SCUBE3: variants seen among roughly 807,000 people sequenced by gnomAD.
The protein encoded by SCUBE3 is signal peptide, CUB domain and EGF like domain containing 3.
In SCUBE3, 33 loss-of-function variants were observed where a neutral mutation model predicts 116.8. The observed-to-expected ratio is 0.28, with a 90% confidence interval of 0.21 to 0.38. The LOEUF (loss-of-function observed/expected upper bound fraction) is 0.38, where lower values mean the gene tolerates loss of function less well. Among genes scored for constraint, SCUBE3 ranks in the 10% least tolerant of loss-of-function variants. SCUBE3 has a pLI of 1.00. For missense variants in SCUBE3, 1,007 were observed against 1,324.8 expected (o/e 0.76, Z 3.72); for synonymous variants, 418 against 496.9 (o/e 0.84, Z 2.11).
chr6:35,241,189 T>C lies in SCUBE3; in HGVS notation c.1118T>C (p.Ile373Thr). ...INRGGCRFGCINTPGSYQCTC... is the reference protein window; with the variant it reads ...INRGGCRFGCTNTPGSYQCTC... ...CGGGGAGGTTGCCGCTTTGGCTGCA[T>C]CAACACTCCTGGCAGCTACCAGTGT... Residue 373 changes from isoleucine (I) to threonine (T), a missense_variant, in exon 10 of 22, where the codon ATC becomes ACC. This residue lies in a region of SCUBE3 where 544 missense variants were observed against 638.9 expected (regional missense o/e 0.85). Transcript: ENST00000274938. This position sits in a 1 kb window ranked among gnomAD's most constrained non-coding sequence, Gnocchi z 4.1. 6.2e-7 allele frequency: 1 copy of C among 1,606,170 alleles called. No homozygotes were observed. The highest frequency in any genetic ancestry group is 8.5e-7 in the Non-Finnish European group (1 of 1,173,406).
intron 1 of SCUBE3, among the ~76,000 whole-genome samples, chr6:35,217,489 A>G (rs531121935): frequency 6.8e-6 from 1 of 147,010 alleles, no homozygotes; most frequent in Non-Finnish European, 1.5e-5. Context: ...TGGGACTGAG[A>G]GCGTTCATGT....
chr6:35,247,478 A>AATT lies in SCUBE3; in HGVS notation c.2833-1075_2833-1073dup, dbSNP rs551370727. 2.0e-3 allele frequency among the ~76,000 whole-genome samples: 310 copies of AATT among 151,990 alleles called. 1 individual carries two copies. The highest frequency in any genetic ancestry group is 7.3e-3 in the African/African-American group (302 of 41,494). On this transcript the variant is annotated intron_variant, in intron 21 of 21. Coordinates refer to ENST00000274938, the MANE Select transcript of SCUBE3 (RefSeq NM_152753.4). Reference sequence around the variant, plus strand: ...AAGGAAACTATAGTCGTAGTCATAGAATTATCCTTCATAAATTATCACTGC... The same window carrying AATT: ...AAGGAAACTATAGTCGTAGTCATAGAATTATTATCCTTCATAAATTATCACTGC...
At chr6:35,215,833 C>T (rs1220098513) in intron 1 of SCUBE3, among the ~76,000 whole-genome samples, 3 of 152,190 alleles carry the variant, frequency 2.0e-5, no homozygotes, top group Non-Finnish European at 4.4e-5. Context: ...ACCCTGCCCC[C>T]ACACCTTCCA....
At position 35,248,845 on chromosome 6, in the gene SCUBE3, A is replaced by T; in HGVS notation, c.*140A>T. 1.1e-5 allele frequency: 7 copies of T among 649,426 alleles called. No homozygotes were observed. The highest frequency in any genetic ancestry group is 5.4e-5 in the East Asian group (2 of 37,302). 40.2% of individuals were successfully genotyped at this position (649,426 alleles called of 1,614,324 possible). ...AAAAATATCACTACACAAACCAGGC[A>T]CTCTCCCTTTCTGTCTTTCTAGTTT... On this transcript the variant is annotated 3_prime_UTR_variant, in exon 22 of 22. Transcript: ENST00000274938.
Position 35,245,287 on chromosome 6 carries a change from C to T in SCUBE3, c.2461C>T (p.Pro821Ser). The change falls in exon 19 of 22, where the codon CCG becomes TCG. Residue 821 changes from proline to serine, a missense_variant. Pro to Ser is a moderately conservative substitution (Grantham distance 74, BLOSUM62 -1). This residue lies in a region of SCUBE3 where 544 missense variants were observed against 638.9 expected (regional missense o/e 0.85). Coordinates refer to ENST00000274938, the MANE Select transcript of SCUBE3 (RefSeq NM_152753.4). The surrounding 1 kb of genome is among the most constrained non-coding windows in gnomAD (Gnocchi z 4.2). Reference protein sequence around the residue: ...FTGYIESPNYPGNYPAGVECI... With the variant: ...FTGYIESPNYSGNYPAGVECI... ...TGGCTATATTGAGTCCCCCAACTACCCGGGCAACTACCCAGCTGGTGTGGA... is the reference window on the plus strand; with the variant it reads ...TGGCTATATTGAGTCCCCCAACTACTCGGGCAACTACCCAGCTGGTGTGGA... 1 of 1,614,138 alleles carries T rather than the reference C, an allele frequency of 6.2e-7. No individual in the cohort carries two copies.
rs914190108 is a variant in SCUBE3, at chr6:35,231,671, T to C, written c.335-54T>C. On this transcript the variant is annotated intron_variant, in intron 3 of 21. Coordinates refer to ENST00000274938, the MANE Select transcript of SCUBE3 (RefSeq NM_152753.4). The surrounding 1 kb of genome is among the most constrained non-coding windows in gnomAD (Gnocchi z 4.2). Reference sequence around the variant, plus strand: ...CCTTTGGTGCTGAAGTCTTGGGATATACCCTGGACCCTGCCTGTACCCCAT... The same window carrying C: ...CCTTTGGTGCTGAAGTCTTGGGATACACCCTGGACCCTGCCTGTACCCCAT... The C allele has an allele frequency of 4.0e-6, 6 of 1,506,506 alleles. No homozygotes were observed. In the African/African-American group the frequency reaches 6.9e-5, roughly 17 times the overall value. The allele number at this position is 1,506,506 out of a possible 1,614,324, so 93.3% of individuals were successfully genotyped here. A position where few individuals can be genotyped will look rare whatever the true frequency, so the allele number is the denominator to read the frequency against.
chr6:35,226,747 G>C (rs1168478761), intron 1 of SCUBE3, among the ~76,000 whole-genome samples: 4 of 151,964 alleles, frequency 2.6e-5, no homozygotes, highest in Non-Finnish European at 5.9e-5. Flanking sequence ...CAAAGTGCTG[G>C]GATTACAGGC....
At chr6:35,229,285 G>A (rs547548779) in intron 3 of SCUBE3, among the ~76,000 whole-genome samples, 1 of 152,270 alleles carries the variant, frequency 6.6e-6, no homozygotes, top group African/African-American at 2.4e-5. Context: ...TCATGATGGT[G>A]CATACCTGTA....
chr6:35,241,110 T>C lies in SCUBE3; in HGVS notation c.1070-31T>C. On this transcript the variant is annotated intron_variant, in intron 9 of 21. Coordinates refer to ENST00000274938, the MANE Select transcript of SCUBE3 (RefSeq NM_152753.4). This position sits in a 1 kb window ranked among gnomAD's most constrained non-coding sequence, Gnocchi z 4.1. ...CCGGCTCCTCCTCCAACTCCATCGT[T>C]GTTTTTCTGTCTCCCTACTCCTTCC... The C allele has an allele frequency of 6.4e-7, 1 of 1,564,606 alleles. No homozygotes were observed. Among genetic ancestry groups the C allele is most frequent in the East Asian group, 2.3e-5 (1 of 43,858 alleles).
chr6:35,241,813 G>T lies in SCUBE3; in HGVS notation c.1320G>T (p.Glu440Asp), dbSNP rs562505842. 6.2e-7 allele frequency: 1 copy of T among 1,613,286 alleles called. No individual in the cohort carries two copies. Among genetic ancestry groups the T allele is most frequent in the African/African-American group, 1.3e-5 (1 of 75,044 alleles). The change falls in exon 12 of 22, where the codon GAG becomes GAT. Residue 440 changes from glutamate (E) to aspartate (D), a missense_variant. By Grantham distance (45) the Glu-to-Asp change is conservative. Around this residue, in one of 5 missense-constraint regions of SCUBE3, gnomAD observed 544 missense variants for 638.9 expected, o/e 0.85. Coordinates refer to ENST00000274938, the MANE Select transcript of SCUBE3 (RefSeq NM_152753.4). This position sits in a 1 kb window ranked among gnomAD's most constrained non-coding sequence, Gnocchi z 4.1. ...PSRARFLPES[E>D]NGFTVSCGTP... ...ACAGGCTCCTTTTCTCAGAGTCTGA[G>T]AATGGCTTCACGGTGAGCTGTGGGA... is the stretch of plus-strand genomic sequence containing the variant.
rs947644540 is a variant in SCUBE3 at position 35,235,273 on chromosome 6, C to T, written c.712+1972C>T. Among the ~76,000 whole-genome samples, 10 of 152,082 alleles carry T rather than the reference C, an allele frequency of 6.6e-5. No individual in the cohort carries two copies. The highest frequency in any genetic ancestry group is 1.4e-4 in the African/African-American group (6 of 41,384). On this transcript the variant is annotated intron_variant, in intron 6 of 21. Transcript: ENST00000274938. The surrounding 1 kb of genome is among the most constrained non-coding windows in gnomAD (Gnocchi z 4.5). ...GAGCTTGGCATCTTTGGGGATACCA[C>T]CAGACAGGATAAGGATGAGGAGTGA...
In SCUBE3 at chr6:35,243,630, C is replaced by A. The variant is rs376942259; in HGVS notation, c.1946C>A (p.Thr649Lys). 48 of 1,613,854 alleles carry A rather than the reference C, an allele frequency of 3.0e-5. No individual in the cohort carries two copies. The highest frequency in any genetic ancestry group is 3.9e-5 in the Non-Finnish European group (46 of 1,179,928). The change falls in exon 16 of 22, where the codon ACG (threonine) becomes AAG (lysine). Residue 649 changes from threonine (T) to lysine (K), a missense_variant. Transcript: ENST00000274938. The surrounding 1 kb of genome is among the most constrained non-coding windows in gnomAD (Gnocchi z 6.6). ...CPQGTYYHGQTEQCVPCPAGT... is the reference protein window; with the variant it reads ...CPQGTYYHGQKEQCVPCPAGT... ...CAGGGAACGTATTACCACGGCCAGACGGAGCAGTGTGTGCCATGCCCAGCG... is the reference window on the plus strand; with the variant it reads ...CAGGGAACGTATTACCACGGCCAGAAGGAGCAGTGTGTGCCATGCCCAGCG...
At chr6:35,230,534 G>C (rs750401108) in intron 3 of SCUBE3, among the ~76,000 whole-genome samples, 11 of 152,176 alleles carry the variant, frequency 7.2e-5, no homozygotes, top group Non-Finnish European at 1.2e-4. Context: ...GAGTAGCAAA[G>C]CCACAAGGTT....
rs1236238676 is a variant in SCUBE3 at position 35,219,129 on chromosome 6, C to A, written c.85+4626C>A. ...TCTGGATACTCTTCCTTTCTTCCCC[C>A]ACCCCAGTTTCCTGGAACCCCAAGT... On this transcript the variant is annotated intron_variant, in intron 1 of 21. Coordinates refer to ENST00000274938, the MANE Select transcript of SCUBE3 (RefSeq NM_152753.4). The surrounding 1 kb of genome is among the most constrained non-coding windows in gnomAD (Gnocchi z 4.7). 6.6e-6 allele frequency among the ~76,000 whole-genome samples: 1 copy of A among 152,170 alleles called. No individual in the cohort carries two copies. The highest frequency in any genetic ancestry group is 1.5e-5 in the Non-Finnish European group (1 of 68,034).
intron 12 of SCUBE3, 49 bp from the exon 13 acceptor site, chr6:35,242,155 G>A (rs200295732): frequency 5.6e-4 from 776 of 1,381,328 alleles, no homozygotes; most frequent in Middle Eastern, 2.4e-3. Context: ...CGGCACCCCC[G>A]ACCTCCATGG....
At chr6:35,217,298 C>T (rs1382730532) in intron 1 of SCUBE3, among the ~76,000 whole-genome samples, 1 of 129,654 alleles carries the variant, frequency 7.7e-6, no homozygotes, top group Non-Finnish European at 1.6e-5. Context: ...ACCTAATCCT[C>T]GCATAGGGCT....
In SCUBE3 at chr6:35,252,749, G is replaced by A. The variant is rs967357328; in HGVS notation, c.*4044G>A. ...GGAATAGAACCCCCAGTTGTCATCA[G>A]CTTTTTTAGACACCACAGGTTGTAG... On this transcript the variant is annotated 3_prime_UTR_variant, in exon 22 of 22. Transcript: ENST00000274938. 7.2e-5 allele frequency: 11 copies of A among 152,220 alleles called. No individual in the cohort carries two copies. Among genetic ancestry groups the A allele is most frequent in the African/African-American group, 2.4e-4 (10 of 41,458 alleles). 9.4% of individuals were successfully genotyped at this position (152,220 alleles called of 1,614,324 possible). A position where few individuals can be genotyped will look rare whatever the true frequency, so the allele number is the denominator to read the frequency against.
At position 35,244,301 on chromosome 6, in the gene SCUBE3, C is replaced by T. The variant is rs906091294; in HGVS notation, c.2239+171C>T. On this transcript the variant is annotated intron_variant, in intron 17 of 21. Coordinates refer to ENST00000274938, the MANE Select transcript of SCUBE3 (RefSeq NM_152753.4). The surrounding 1 kb of genome is among the most constrained non-coding windows in gnomAD (Gnocchi z 4.3). ...TTCCAGGACCCACCCTGCCCCTCCA[C>T]TAGTCCCAAGCTTGGGAACTGAGAA... 6.6e-6 allele frequency among the ~76,000 whole-genome samples: 1 copy of T among 152,230 alleles called. No individual in the cohort carries two copies. Among genetic ancestry groups the T allele is most frequent in the African/African-American group, 2.4e-5 (1 of 41,448 alleles).
Position 35,214,537 on chromosome 6 carries a change from T to C in SCUBE3, c.85+34T>C. On this transcript the variant is annotated intron_variant, in intron 1 of 21. Transcript: ENST00000274938. This position sits in a 1 kb window ranked among gnomAD's most constrained non-coding sequence, Gnocchi z 6.3. Reference sequence around the variant, plus strand: ...GGAGGGGCGCGCGGCCTGGGGGCTGTCCTGGCTGCTGGGCCTCAGGGCCTA... The same window carrying C: ...GGAGGGGCGCGCGGCCTGGGGGCTGCCCTGGCTGCTGGGCCTCAGGGCCTA... The C allele has an allele frequency of 7.3e-7, 1 of 1,363,748 alleles. No homozygotes were observed. Among genetic ancestry groups the C allele is most frequent in the Non-Finnish European group, 9.7e-7 (1 of 1,029,336 alleles). 84.5% of individuals were successfully genotyped at this position (1,363,748 alleles called of 1,614,324 possible).
Sources: allele counts gnomAD v4.1 joint callset (sites outside exome capture counted in the v4.1 genomes callset), GRCh38; gene constraint gnomAD v4.1.1; regional missense constraint gnomAD v4.1.1; non-coding constraint Gnocchi (gnomAD v3.1); transcripts MANE v1.5; gene names NCBI Gene and HGNC (gene_info 2026-07-23, HGNC 2026-07-21).